TTC7B: variants seen among roughly 807,000 people sequenced by gnomAD.
TTC7B encodes tetratricopeptide repeat domain 7B.
TTC7B carries 28 observed loss-of-function variants against 106.8 expected under a neutral mutation model. The ratio of observed to expected loss-of-function variants is 0.26; its 90% CI spans 0.19 to 0.36. TTC7B has a LOEUF of 0.36. TTC7B is among the 10% of genes least tolerant of loss of function. The pLI is 1.00. For synonymous variants in TTC7B, 405 were observed against 430.6 expected, an observed-to-expected ratio of 0.94 and a Z score of 0.74; for missense variants, 862 against 1,076.4, an observed-to-expected ratio of 0.80 and a Z score of 2.79.
intron 19 of TTC7B, among the ~76,000 whole-genome samples, chr14:90,548,346 C>T (rs1055414330): frequency 9.2e-5 from 14 of 152,234 alleles, no homozygotes; most frequent in African/African-American, 3.1e-4. Flanking sequence ...CACCATTACC[C>T]TTTGCAGGGG....
At chr14:90,782,613 ACCACAGGGGTTCT>A (rs1204441245) in intron 2 of TTC7B, among the ~76,000 whole-genome samples, 3 of 152,200 alleles carry the variant, frequency 2.0e-5, no homozygotes, top group African/African-American at 7.2e-5. Flanking sequence ...AAAAGCATCC[ACCACAGGGGTTCT>A]CCACCCAGGT....
At chr14:90,764,980 G>A (rs1890625099) in intron 3 of TTC7B, among the ~76,000 whole-genome samples, 1 of 152,090 alleles carries the variant, frequency 6.6e-6, no homozygotes, top group African/African-American at 2.4e-5. Context: ...TTTTGGATGG[G>A]ATTATGTTCA....
intron 9 of TTC7B, 77 bp downstream of exon 9, chr14:90,676,446 G>A: frequency 1.3e-6 from 2 of 1,541,194 alleles, no homozygotes. Flanking sequence ...CCAGGACCAG[G>A]TCTCACAGCG....
chr14:90,639,883 G>C (rs558152369), intron 15 of TTC7B, among the ~76,000 whole-genome samples: 138 of 152,328 alleles, frequency 9.1e-4, no homozygotes, highest in African/African-American at 3.2e-3. Flanking sequence ...GGAGCCTCAG[G>C]AACGGGATGT....
chr14:90,573,037 C>T (rs1028437755), intron 19 of TTC7B, among the ~76,000 whole-genome samples: 1 of 152,100 alleles, frequency 6.6e-6, no homozygotes, highest in South Asian at 2.1e-4. Flanking sequence ...TTCCTTGGGG[C>T]GGGGGTTGGG....
At chr14:90,667,267 G>A (rs1595262898) in intron 9 of TTC7B, among the ~76,000 whole-genome samples, 1 of 152,180 alleles carries the variant, frequency 6.6e-6, no homozygotes, top group South Asian at 2.1e-4. Context: ...TTCTTTTGGA[G>A]ATCCTTTAAG....
At chr14:90,696,042 C>T (rs922967899) in intron 5 of TTC7B, among the ~76,000 whole-genome samples, 5 of 152,132 alleles carry the variant, frequency 3.3e-5, no homozygotes, top group Non-Finnish European at 7.4e-5. Context: ...CAAGCAACCA[C>T]TCTGCATCTT....
chr14:90,550,523 C>G (rs1210854168), intron 19 of TTC7B, among the ~76,000 whole-genome samples: 1 of 152,200 alleles, frequency 6.6e-6, no homozygotes, highest in Non-Finnish European at 1.5e-5. Context: ...TGCTTTTGGT[C>G]TCTGCCTGAG....
chr14:90,659,878 G>A (rs566948499), intron 9 of TTC7B, among the ~76,000 whole-genome samples: 1 of 152,274 alleles, frequency 6.6e-6, no homozygotes, highest in Admixed American at 6.5e-5. Flanking sequence ...TGAAGACTCT[G>A]GGGAGATAAA....
At chr14:90,670,885 C>A (rs1218563852) in intron 9 of TTC7B, among the ~76,000 whole-genome samples, 1 of 152,140 alleles carries the variant, frequency 6.6e-6, no homozygotes, top group Non-Finnish European at 1.5e-5. Context: ...TGACCTTTAA[C>A]CTTTGGGCCT....
At chr14:90,660,477 A>G (rs1280135997) in intron 9 of TTC7B, among the ~76,000 whole-genome samples, 1 of 152,130 alleles carries the variant, frequency 6.6e-6, no homozygotes, top group Non-Finnish European at 1.5e-5. Flanking sequence ...AGGTTTAAAC[A>G]ACAACAAAAT....
Position 90,731,246 on chromosome 14 carries a change from C to T in TTC7B, c.577-1050G>A, listed in dbSNP as rs191353363. 1.4e-4 allele frequency among the ~76,000 whole-genome samples: 22 copies of T among 152,300 alleles called. No homozygotes were observed. The East Asian group carries it at 3.9e-3, about 27-fold the overall frequency. On this transcript the variant is annotated intron_variant, in intron 4 of 19. Coordinates refer to ENST00000328459, the MANE Select transcript of TTC7B (RefSeq NM_001010854.2). ...GATTACAGGCGTGAGCCCCTGCGCCCGGCCTGCTGCTACTCTCTTTAAACT... is the reference window on the plus strand; with the variant it reads ...GATTACAGGCGTGAGCCCCTGCGCCTGGCCTGCTGCTACTCTCTTTAAACT...
chr14:90,714,307 C>T (rs1031102478), intron 5 of TTC7B, among the ~76,000 whole-genome samples: 2 of 151,860 alleles, frequency 1.3e-5, no homozygotes, highest in African/African-American at 2.4e-5. Context: ...CTAGAAAAGG[C>T]GAATCTATAG....
intron 5 of TTC7B, among the ~76,000 whole-genome samples, chr14:90,695,835 A>G (rs182036845): frequency 3.9e-5 from 6 of 152,304 alleles, no homozygotes; most frequent in Admixed American, 3.9e-4. Context: ...CCAACAAATT[A>G]AAAAGCAAGA....
At chr14:90,662,736 C>T (rs1674929271) in intron 9 of TTC7B, among the ~76,000 whole-genome samples, 1 of 152,180 alleles carries the variant, frequency 6.6e-6, no homozygotes, top group Non-Finnish European at 1.5e-5. Context: ...TACAATGCCA[C>T]AGGAAATAGC....
chr14:90,672,275 C>T lies in TTC7B; in HGVS notation c.1152+4248G>A, dbSNP rs536735515. On this transcript the variant is annotated intron_variant, in intron 9 of 19. Coordinates refer to ENST00000328459, the MANE Select transcript of TTC7B (RefSeq NM_001010854.2). ...CTCTTCTGTCCACAAAAGCTTCCAC[C>T]CATGTAAAAGAAGATCTAGCAAGGT... is the stretch of plus-strand genomic sequence containing the variant. 5.9e-5 allele frequency among the ~76,000 whole-genome samples: 9 copies of T among 152,176 alleles called. No homozygotes were observed. In the South Asian group the frequency reaches 1.2e-3, roughly 21 times the overall value.
At chr14:90,676,470 A>G in intron 9 of TTC7B, 53 bp downstream of exon 9, 1 of 1,597,116 alleles carries the variant, frequency 6.3e-7, no homozygotes, top group Non-Finnish European at 8.6e-7. Context: ...CCCTGGGGTC[A>G]CCGTGCAACT....
In TTC7B at chr14:90,575,830, A is replaced by T. The variant is rs924348245; in HGVS notation, c.2310+2276T>A. On this transcript the variant is annotated intron_variant, in intron 19 of 19. Coordinates refer to ENST00000328459, the MANE Select transcript of TTC7B (RefSeq NM_001010854.2). This position sits in a 1 kb window ranked among gnomAD's most constrained non-coding sequence, Gnocchi z 5.2. ...CTGCCTCCAATCTGGATGGTTTTTC[A>T]ATATCTCAGGATCCACGGAGAGAGG... is the stretch of plus-strand genomic sequence containing the variant. Among the ~76,000 whole-genome samples the T allele has an allele frequency of 1.3e-5, 2 of 152,164 alleles. No homozygotes were observed. The highest frequency in any genetic ancestry group is 4.8e-5 in the African/African-American group (2 of 41,434).
At chr14:90,779,158 C>T (rs1324695155) in intron 3 of TTC7B, among the ~76,000 whole-genome samples, 1 of 152,228 alleles carries the variant, frequency 6.6e-6, no homozygotes, top group South Asian at 2.1e-4. Context: ...CCACTTCTTG[C>T]CATGGCCTTA....
Sources: gnomAD v4.1 joint callset for allele counts (sites outside exome capture counted in the v4.1 genomes callset) on GRCh38, gnomAD v4.1.1 for gene constraint, Gnocchi (gnomAD v3.1) non-coding constraint, MANE v1.5 for transcripts, NCBI Gene and HGNC (gene_info 2026-07-23, HGNC 2026-07-21) for gene names.